NCOA3: variants seen among roughly 807,000 people sequenced by gnomAD.
NCOA3 encodes the protein nuclear receptor coactivator 3.
In NCOA3, 51 loss-of-function variants were observed where a neutral mutation model predicts 158.8. The observed-to-expected ratio is 0.32, with a 90% CI of 0.26 to 0.41. The LOEUF (loss-of-function observed/expected upper bound fraction) is 0.41, where lower values mean the gene tolerates loss of function less well. Ranked by LOEUF, NCOA3 falls within the 10% of genes least tolerant of loss-of-function variation. NCOA3 has a pLI of 1.00. For synonymous variants in NCOA3, 537 were observed against 592.4 expected (o/e 0.91, Z 1.36); for missense variants, 1,510 against 1,746.6 (o/e 0.86, Z 2.41).
intron 2 of NCOA3, among the ~76,000 whole-genome samples, chr20:47,604,906 A>C (rs922543868): frequency 6.6e-6 from 1 of 151,984 alleles, no homozygotes; most frequent in Non-Finnish European, 1.5e-5. Flanking sequence ...TTGCTCTGTC[A>C]CTCAGGCTGG....
intron 1 of NCOA3, among the ~76,000 whole-genome samples, chr20:47,561,489 T>C (rs2085105655): frequency 6.6e-6 from 1 of 151,932 alleles, no homozygotes; most frequent in African/African-American, 2.4e-5. Flanking sequence ...TTTTCTTTTT[T>C]TTTTTATTTC....
intron 1 of NCOA3, among the ~76,000 whole-genome samples, chr20:47,508,515 G>A (rs746540867): frequency 6.6e-5 from 10 of 152,208 alleles, no homozygotes; most frequent in Non-Finnish European, 1.0e-4. Flanking sequence ...AGAAGAGAAA[G>A]CATGGGGAGG....
chr20:47,639,833 A>T lies in NCOA3; in HGVS notation c.2953+11A>T. ...AGATGCTTCAAATGAGTAAGTGTCC[A>T]CCCTCCCCTCTTCATGAAAAAAGAA... On this transcript the variant is annotated intron_variant, in intron 15 of 22. Coordinates refer to ENST00000371998, the MANE Select transcript of NCOA3 (RefSeq NM_181659.3). 6.2e-7 allele frequency: 1 copy of T among 1,612,886 alleles called. No homozygotes were observed. Among genetic ancestry groups the T allele is most frequent in the Non-Finnish European group, 8.5e-7 (1 of 1,179,012 alleles).
At chr20:47,597,158 TTGTGCCTC>T (rs2085770159) in intron 2 of NCOA3, among the ~76,000 whole-genome samples, 1 of 152,206 alleles carries the variant, frequency 6.6e-6, no homozygotes, top group African/African-American at 2.4e-5. Context: ...CTAAAGTTCT[TTGTGCCTC>T]TGTGCAATCA....
chr20:47,609,547 G>A (rs978619973), intron 2 of NCOA3, among the ~76,000 whole-genome samples: 1 of 152,066 alleles, frequency 6.6e-6, no homozygotes, highest in Non-Finnish European at 1.5e-5. Context: ...GGCCAACATG[G>A]TGAAACCCCA....
At chr20:47,579,110 G>C (rs192120285) in intron 1 of NCOA3, among the ~76,000 whole-genome samples, 1 of 152,016 alleles carries the variant, frequency 6.6e-6, no homozygotes, top group African/African-American at 2.4e-5. Flanking sequence ...TTCCCCTCAC[G>C]TCCTTTTAGG....
At position 47,550,467 on chromosome 20, in the gene NCOA3, T is replaced by TG. The variant is rs1220569439; in HGVS notation, c.-98-32709dup. Among the ~76,000 whole-genome samples the TG allele has an allele frequency of 2.0e-4, 20 of 101,908 alleles. No homozygotes were observed. In the East Asian group the frequency reaches 3.9e-3, roughly 20 times the overall value. 66.9% of individuals were successfully genotyped at this position (101,908 alleles called of 152,430 possible). On this transcript the variant is annotated intron_variant, in intron 1 of 22. Transcript: ENST00000371998. Reference sequence around the variant, plus strand: ...CTCAGAAAAAAAAAAAAAAAAAAGGTGGGGGGGTTTGAAACACATGGGCAA... The same window carrying TG: ...CTCAGAAAAAAAAAAAAAAAAAAGGTGGGGGGGGTTTGAAACACATGGGCAA...
chr20:47,651,832 T>A (rs1171087469), intron 20 of NCOA3, among the ~76,000 whole-genome samples: 4 of 151,904 alleles, frequency 2.6e-5, no homozygotes, highest in Non-Finnish European at 5.9e-5. Flanking sequence ...CCGGCTGTTT[T>A]TTTTTTTAAA....
intron 1 of NCOA3, among the ~76,000 whole-genome samples, chr20:47,523,179 C>T (rs2084373722): frequency 6.6e-6 from 1 of 152,176 alleles, no homozygotes; most frequent in Non-Finnish European, 1.5e-5. Context: ...GAGCGAGCCT[C>T]CGTCTCAAAA....
In NCOA3 at chr20:47,653,368, ATTTTTTT is replaced by A. The variant is rs545375540; in HGVS notation, c.4264-22_4264-16del. On this transcript the variant is annotated intron_variant, in intron 22 of 22. Transcript: ENST00000371998. ...GTTGTGCAAAGCATGTGTTTTACTC[ATTTTTTT>A]TTTTTTTTTTTTTTTCCTGGTTGCT... 1,400 of 1,389,760 alleles carry A rather than the reference ATTTTTTT, an allele frequency of 1.0e-3. No individual in the cohort carries two copies. The Middle Eastern group carries it at 0.013, about 13-fold the overall frequency. The allele number at this position is 1,389,760 out of a possible 1,614,324, so 86.1% of individuals were successfully genotyped here.
chr20:47,608,297 CAA>C (rs775397876), intron 2 of NCOA3, among the ~76,000 whole-genome samples: 5 of 151,670 alleles, frequency 3.3e-5, no homozygotes, highest in African/African-American at 1.2e-4. Flanking sequence ...GCCTGGGTGA[CAA>C]GAGCAAAACT....
chr20:47,524,057 C>T (rs1215993196), intron 1 of NCOA3, among the ~76,000 whole-genome samples: 2 of 152,154 alleles, frequency 1.3e-5, no homozygotes, highest in Non-Finnish European at 2.9e-5. Context: ...ATGTAGGAAC[C>T]GAATGGTCAT....
chr20:47,589,833 A>G lies in NCOA3; in HGVS notation c.-20+6572A>G, dbSNP rs148734373. Among the ~76,000 whole-genome samples the G allele has an allele frequency of 2.3e-3, 343 of 152,252 alleles. 1 individual carries two copies. The highest frequency in any genetic ancestry group is 8.0e-3 in the African/African-American group (333 of 41,560). ...TAAATTTACTGAGTCATTGGCTGCC[A>G]CTAAGTGACCTTCCATCTGTGAAGC... On this transcript the variant is annotated intron_variant, in intron 2 of 22. Coordinates refer to ENST00000371998, the MANE Select transcript of NCOA3 (RefSeq NM_181659.3).
rs190204738 is a variant in NCOA3, at chr20:47,552,575, T to C, written c.-98-30608T>C. Among the ~76,000 whole-genome samples, 26 of 152,334 alleles carry C rather than the reference T, an allele frequency of 1.7e-4. No homozygotes were observed. In the East Asian group the frequency reaches 4.6e-3, roughly 27 times the overall value. On this transcript the variant is annotated intron_variant, in intron 1 of 22. Coordinates refer to ENST00000371998, the MANE Select transcript of NCOA3 (RefSeq NM_181659.3). ...ATTGCAGGTAGATAGTAGATCTATC[T>C]ACCTAGGTTCTATTTCATATATTCT...
rs560199815 is a variant in NCOA3, at chr20:47,627,190, G to A, written c.532+14G>A. The A allele has an allele frequency of 7.0e-6, 11 of 1,564,548 alleles. No individual in the cohort carries two copies. In the South Asian group the frequency reaches 7.1e-5, roughly 10 times the overall value. The stretch of plus-strand genomic sequence containing the variant: ...CAAAATCTACAGGTAGGCTTTTAAT[G>A]TGTATTTTCTAAATAGGTTAAATTT... On this transcript the variant is annotated intron_variant, in intron 6 of 22. Transcript: ENST00000371998.
rs1268053440 is a variant in NCOA3 at position 47,538,907 on chromosome 20, A to G, written c.-99+36888A>G. Among the ~76,000 whole-genome samples the G allele has an allele frequency of 2.0e-5, 3 of 152,198 alleles. No individual in the cohort carries two copies. The East Asian group carries it at 5.8e-4, about 29-fold the overall frequency. ...GTTTTCAGAAACTGGAGAAGATGTT[A>G]TATTCTCACTTTTCCCTGTTAAGTT... is the stretch of plus-strand genomic sequence containing the variant. On this transcript the variant is annotated intron_variant, in intron 1 of 22. Transcript: ENST00000371998.
At chr20:47,642,076 T>C (rs2086620847) in intron 16 of NCOA3, 137 bp from the exon 17 acceptor site, 1 of 709,536 alleles carries the variant, frequency 1.4e-6, no homozygotes, top group Non-Finnish European at 2.2e-6. Flanking sequence ...TTCACTCTTT[T>C]TTACCACTTG....
intron 1 of NCOA3, among the ~76,000 whole-genome samples, chr20:47,510,214 C>T (rs1471373759): frequency 6.6e-6 from 1 of 151,858 alleles, no homozygotes; most frequent in East Asian, 1.9e-4. Context: ...GAGTGGATCA[C>T]GAAGTCAGGA....
At chr20:47,552,666 A>G (rs1291228779) in intron 1 of NCOA3, among the ~76,000 whole-genome samples, 1 of 152,126 alleles carries the variant, frequency 6.6e-6, no homozygotes, top group East Asian at 1.9e-4. Flanking sequence ...TTTGTTATAT[A>G]CGAACATTAT....
Sources: allele counts gnomAD v4.1 joint callset (sites outside exome capture counted in the v4.1 genomes callset), GRCh38; gene constraint gnomAD v4.1.1; transcripts MANE v1.5; gene names NCBI Gene and HGNC (gene_info 2026-07-23, HGNC 2026-07-21).